Variants in TAF15 observed in about 807,000 individuals in gnomAD.
TAF15 encodes the protein TATA-box binding protein associated factor 15, also known as TATA-binding protein-associated factor 2N.
Under a neutral mutation model 102.5 loss-of-function variants are expected in TAF15, and 37 were observed. The ratio of observed to expected loss-of-function variants is 0.36; its 90% confidence interval spans 0.28 to 0.47. The LOEUF is 0.47. TAF15 is among the 20% of genes least tolerant of loss of function. The pLI, the probability that TAF15 is intolerant of heterozygous loss-of-function variation, is 0.99. For missense variants in TAF15, 652 were observed against 760.7 expected (o/e 0.86, Z 1.68); for synonymous variants, 273 against 259.2 (o/e 1.05, Z -0.51).
chr17:35,843,578 G>C (rs1483532476), intron 12 of TAF15, among the ~76,000 whole-genome samples: 4 of 152,002 alleles, frequency 2.6e-5, no homozygotes, highest in Non-Finnish European at 4.4e-5. Context: ...AACTAAGTAG[G>C]GTATAGGTTA....
chr17:35,816,284 A>G (rs557455187), intron 1 of TAF15, among the ~76,000 whole-genome samples: 15 of 152,360 alleles, frequency 9.8e-5, no homozygotes, highest in African/African-American at 3.1e-4. Flanking sequence ...GTTTGTTCTA[A>G]GGACATATTG....
intron 15 of TAF15, among the ~76,000 whole-genome samples, chr17:35,846,233 A>C (rs2087621849): frequency 6.6e-6 from 1 of 152,238 alleles, no homozygotes; most frequent in African/African-American, 2.4e-5. Flanking sequence ...GTGTGATCTT[A>C]GGAAAGTTAC....
In TAF15 at chr17:35,822,902, A is replaced by G. The variant is rs187185281; in HGVS notation, c.484+69A>G. The G allele has an allele frequency of 6.4e-6, 10 of 1,574,284 alleles. No homozygotes were observed. The Admixed American group carries it at 1.7e-4, about 26-fold the overall frequency. On this transcript the variant is annotated intron_variant, in intron 6 of 15. Coordinates refer to ENST00000605844, the MANE Select transcript of TAF15 (RefSeq NM_139215.3). ...ATTATTTGTATGAATTTCTGATTAA[A>G]AGAACCACAGAGGATTTCACCTGTT...
At chr17:35,843,448 C>T (rs571595810) in intron 12 of TAF15, among the ~76,000 whole-genome samples, 1 of 152,188 alleles carries the variant, frequency 6.6e-6, no homozygotes, top group Non-Finnish European at 1.5e-5. Flanking sequence ...CTATTGGATT[C>T]ATATTCTTGT....
In TAF15 at chr17:35,844,057, C is replaced by A; in HGVS notation, c.1007-20C>A. The A allele has an allele frequency of 6.2e-7, 1 of 1,611,406 alleles. No homozygotes were observed. The highest frequency in any genetic ancestry group is 8.5e-7 in the Non-Finnish European group (1 of 1,177,620). The stretch of plus-strand genomic sequence containing the variant: ...TTAATATCTGCTGCTGATTTTTCTC[C>A]CCTGGCCCCATCCCCCTAGGCCGTG... On this transcript the variant is annotated intron_variant, in intron 12 of 15. Transcript: ENST00000605844.
At chr17:35,825,434 C>T (rs2087313601) in intron 7 of TAF15, among the ~76,000 whole-genome samples, 1 of 152,136 alleles carries the variant, frequency 6.6e-6, no homozygotes, top group Admixed American at 6.5e-5. Context: ...ATAATAGCCT[C>T]CCTCCTGTTC....
Position 35,827,018 on chromosome 17 carries a change from G to A in TAF15, c.605+2820G>A, listed in dbSNP as rs145254128. On this transcript the variant is annotated intron_variant, in intron 7 of 15. Coordinates refer to ENST00000605844, the MANE Select transcript of TAF15 (RefSeq NM_139215.3). ...AGATTTTTTTTTCCCACACAGTTTT[G>A]CATTTAAGTACCAGAATACCCAAAC... 3.7e-3 allele frequency among the ~76,000 whole-genome samples: 564 copies of A among 151,352 alleles called. 4 individuals carry two copies. The highest frequency in any genetic ancestry group is 6.4e-3 in the Non-Finnish European group (431 of 67,854).
At chr17:35,813,129 A>AG (rs746686786) in intron 1 of TAF15, among the ~76,000 whole-genome samples, 1 of 136,404 alleles carries the variant, frequency 7.3e-6, no homozygotes, top group African/African-American at 3.1e-5. Context: ...AAAAAAAAAA[A>AG]AAAAAAAAAA....
At chr17:35,829,585 TCG>T in intron 7 of TAF15, among the ~76,000 whole-genome samples, 1 of 126,538 alleles carries the variant, frequency 7.9e-6, no homozygotes, top group East Asian at 2.5e-4. Context: ...TGAGCCGAGA[TCG>T]TGCCACTGTA....
At chr17:35,843,977 C>A in intron 12 of TAF15, 100 bp from the exon 13 acceptor site, 1 of 1,036,326 alleles carries the variant, frequency 9.6e-7, no homozygotes, top group South Asian at 1.3e-5. Flanking sequence ...AGAGTGCTGC[C>A]TAAGTATTGA....
At chr17:35,837,976 C>G (rs1358408992) in intron 10 of TAF15, among the ~76,000 whole-genome samples, 2 of 151,146 alleles carry the variant, frequency 1.3e-5, no homozygotes, top group African/African-American at 4.9e-5. Context: ...TCGCTTGAGG[C>G]CAAGGGTTTG....
chr17:35,844,399 G>T (rs886511371), intron 14 of TAF15, 31 bp downstream of exon 14: 2 of 1,612,096 alleles, frequency 1.2e-6, no homozygotes, highest in Non-Finnish European at 1.7e-6. Context: ...CATCTGCATC[G>T]TGCTTATCTT....
Position 35,824,118 on chromosome 17 carries a change from A to G in TAF15, c.525A>G (p.Arg175=). 1 of 1,614,136 alleles carries G rather than the reference A, an allele frequency of 6.2e-7. No individual in the cohort carries two copies. The highest frequency in any genetic ancestry group is 8.5e-7 in the Non-Finnish European group (1 of 1,180,014). Residue 175 remains arginine (R), a synonymous_variant, in exon 7 of 16, where the codon AGA becomes AGG. Transcript: ENST00000605844. ...RDVSRYGEDN[R]GYGGSQGGGR... ...TGAGTAGGTATGGAGAAGATAATAG[A>G]GGATATGGCGGGTCACAGGGAGGAG...
In TAF15 at chr17:35,831,339, G is replaced by A. The variant is rs907261704; in HGVS notation, c.606-2568G>A. 1.6e-3 allele frequency among the ~76,000 whole-genome samples: 238 copies of A among 151,580 alleles called. 1 individual carries two copies. Among genetic ancestry groups the A allele is most frequent in the African/African-American group, 5.4e-3 (224 of 41,316 alleles). On this transcript the variant is annotated intron_variant, in intron 7 of 15. Transcript: ENST00000605844. ...GGAGAATGGCGGGAACCCAGGAGGC[G>A]GAGCTTGCAGTGAGCCGAGATCGCG...
intron 15 of TAF15, among the ~76,000 whole-genome samples, chr17:35,845,620 C>G (rs1479317622): frequency 2.0e-5 from 3 of 152,168 alleles, no homozygotes; most frequent in Non-Finnish European, 1.5e-5. Context: ...TCACGCCATT[C>G]TGCCTCAGCC....
At position 35,833,950 on chromosome 17, in the gene TAF15, T is replaced by C; in HGVS notation, c.640+9T>C. 1 of 1,613,812 alleles carries C rather than the reference T, an allele frequency of 6.2e-7. No homozygotes were observed. The highest frequency in any genetic ancestry group is 1.1e-5 in the South Asian group (1 of 91,046). ...CTTCAAAAATTTTGGTGGTAAGTGC[T>C]GAGTATCCCAAAATGTTTCAGTGGA... On this transcript the variant is annotated intron_variant, in intron 8 of 15. Coordinates refer to ENST00000605844, the MANE Select transcript of TAF15 (RefSeq NM_139215.3).
Position 35,847,109 on chromosome 17 carries a change from C to G in TAF15, c.*164C>G, listed in dbSNP as rs2087633050. Reference sequence around the variant, plus strand: ...GGGACAGTTTTTCTTCTAGAAATGTCTGTTGAGATTTCCCCCTTTAGTTTC... The same window carrying G: ...GGGACAGTTTTTCTTCTAGAAATGTGTGTTGAGATTTCCCCCTTTAGTTTC... On this transcript the variant is annotated 3_prime_UTR_variant, in exon 16 of 16. Coordinates refer to ENST00000605844, the MANE Select transcript of TAF15 (RefSeq NM_139215.3). The G allele has an allele frequency of 1.3e-6, 1 of 750,434 alleles. No individual in the cohort carries two copies. Among genetic ancestry groups the G allele is most frequent in the South Asian group, 1.6e-5 (1 of 62,092 alleles). The allele number at this position is 750,434 out of a possible 1,614,324, so 46.5% of individuals were successfully genotyped here. A position where few individuals can be genotyped will look rare whatever the true frequency, so the allele number is the denominator to read the frequency against.
rs571222282 is a variant in TAF15, at chr17:35,835,992, A to G, written c.674-140A>G. ...CTGTGAATACTTTGCATGTTTATAT[A>G]AGGTTGTTCTTATATTGGTCCTTTC... On this transcript the variant is annotated intron_variant, in intron 9 of 15. Coordinates refer to ENST00000605844, the MANE Select transcript of TAF15 (RefSeq NM_139215.3). 4 of 639,456 alleles carry G rather than the reference A, an allele frequency of 6.3e-6. No homozygotes were observed. In the African/African-American group the frequency reaches 7.3e-5, roughly 12 times the overall value. 39.6% of individuals were successfully genotyped at this position (639,456 alleles called of 1,614,324 possible).
At chr17:35,832,743 A>C (rs1256102293) in intron 7 of TAF15, among the ~76,000 whole-genome samples, 1 of 152,226 alleles carries the variant, frequency 6.6e-6, no homozygotes, top group Non-Finnish European at 1.5e-5. Flanking sequence ...GAATTCAGTT[A>C]AGAGAAACAA....
Sources: gnomAD v4.1 joint callset for allele counts (sites outside exome capture counted in the v4.1 genomes callset) on GRCh38, gnomAD v4.1.1 for gene constraint, MANE v1.5 for transcripts, NCBI Gene and HGNC (gene_info 2026-07-23, HGNC 2026-07-21) for gene names.